Variants in COLEC12 observed in about 807,000 individuals in gnomAD.
COLEC12 encodes collectin-12.
COLEC12 carries 33 observed loss-of-function variants against 71.1 expected under a neutral mutation model. The observed-to-expected ratio is 0.46, with a 90% CI of 0.35 to 0.62. COLEC12 has a LOEUF of 0.62. Ranked by LOEUF, COLEC12 falls within the 20% of genes least tolerant of loss-of-function variation. The pLI is 0.00. For synonymous variants in COLEC12, 350 were observed against 353.0 expected (o/e 0.99, Z 0.10); for missense variants, 765 against 916.1 (o/e 0.84, Z 2.13).
At chr18:372,219 T>C (rs1414713148) in intron 2 of COLEC12, among the ~76,000 whole-genome samples, 1 of 152,118 alleles carries the variant, frequency 6.6e-6, no homozygotes, top group Non-Finnish European at 1.5e-5. Flanking sequence ...AAACACAAAA[T>C]AGGTAATAGA....
intron 2 of COLEC12, among the ~76,000 whole-genome samples, chr18:363,570 C>T (rs1036394675): frequency 6.6e-5 from 10 of 151,928 alleles, no homozygotes; most frequent in Admixed American, 2.0e-4. Context: ...GTATAGATTC[C>T]CATAAACCCA....
chr18:490,199 C>T (rs905966476), intron 1 of COLEC12, among the ~76,000 whole-genome samples: 5 of 152,242 alleles, frequency 3.3e-5, no homozygotes, highest in Non-Finnish European at 7.3e-5. Flanking sequence ...GAGAGAATCA[C>T]TGGAGGATGA....
chr18:428,716 T>C (rs979172616), intron 2 of COLEC12, among the ~76,000 whole-genome samples: 1 of 152,210 alleles, frequency 6.6e-6, no homozygotes, highest in Non-Finnish European at 1.5e-5. Flanking sequence ...AAAACTATAA[T>C]ATAACTTGGG....
intron 5 of COLEC12, among the ~76,000 whole-genome samples, chr18:338,131 A>T (rs1401507965): frequency 2.0e-5 from 3 of 152,006 alleles, no homozygotes; most frequent in Non-Finnish European, 2.9e-5. Context: ...TGTATTTTCC[A>T]CACATCTCTT....
Position 480,887 on chromosome 18 carries a change from A to G in COLEC12, c.8-130T>C. On this transcript the variant is annotated intron_variant, in intron 1 of 9. Transcript: ENST00000400256. The surrounding 1 kb of genome is among the most constrained non-coding windows in gnomAD (Gnocchi z 4.1). ...TTTCCTTCTGCTCGTGGATCGCACC[A>G]GGCTTTCTGGAAGAGGCGGCAGGGG... 1 of 831,864 alleles carries G rather than the reference A, an allele frequency of 1.2e-6. No homozygotes were observed. The highest frequency in any genetic ancestry group is 2.1e-6 in the Non-Finnish European group (1 of 479,414). 51.5% of individuals were successfully genotyped at this position (831,864 alleles called of 1,614,324 possible).
Position 408,485 on chromosome 18 carries a change from G to GA in COLEC12, c.59-50964dup, listed in dbSNP as rs1051687839. Among the ~76,000 whole-genome samples the GA allele has an allele frequency of 6.0e-5, 9 of 149,026 alleles. No individual in the cohort carries two copies. Among genetic ancestry groups the GA allele is most frequent in the South Asian group, 4.2e-4 (2 of 4,722 alleles). On this transcript the variant is annotated intron_variant, in intron 2 of 9. Transcript: ENST00000400256. The surrounding 1 kb of genome is among the most constrained non-coding windows in gnomAD (Gnocchi z 4.3). ...CAAAAACTCCTGTGGTTCATAAACA[G>GA]AAAAAAAAATGTCAGATTTTGAACT...
intron 2 of COLEC12, among the ~76,000 whole-genome samples, chr18:430,196 C>T (rs9965406): frequency 0.19 from 28,116 of 151,874 alleles, 2,882 homozygotes; most frequent in Middle Eastern, 0.24. Context: ...ATTAGCCAGG[C>T]GTGGTGGCGC....
At chr18:395,014 A>G (rs1915540470) in intron 2 of COLEC12, among the ~76,000 whole-genome samples, 1 of 152,252 alleles carries the variant, frequency 6.6e-6, no homozygotes, top group South Asian at 2.1e-4. Flanking sequence ...GTACAGTGAT[A>G]GGAATTAGAG....
intron 3 of COLEC12, among the ~76,000 whole-genome samples, chr18:353,262 CTATT>C (rs949507231): frequency 7.0e-4 from 107 of 152,274 alleles, no homozygotes; most frequent in African/African-American, 2.4e-3. Context: ...ATAATAGCCT[CTATT>C]TATCGAGTGC....
At chr18:475,469 A>G (rs1007442248) in intron 2 of COLEC12, among the ~76,000 whole-genome samples, 6 of 152,170 alleles carry the variant, frequency 3.9e-5, no homozygotes, top group African/African-American at 1.4e-4. Flanking sequence ...CCAAATTAGA[A>G]GATGAAGCCA....
chr18:491,704 A>T (rs1917622318), intron 1 of COLEC12, among the ~76,000 whole-genome samples: 1 of 152,218 alleles, frequency 6.6e-6, no homozygotes, highest in Non-Finnish European at 1.5e-5. Flanking sequence ...GATGAGCAAA[A>T]GAGTAATGCG....
intron 5 of COLEC12, among the ~76,000 whole-genome samples, chr18:345,594 C>A (rs1914353314): frequency 6.6e-6 from 1 of 152,158 alleles, no homozygotes; most frequent in Admixed American, 6.5e-5. Flanking sequence ...TGATGGCCAA[C>A]CATTCATCTA....
intron 1 of COLEC12, among the ~76,000 whole-genome samples, chr18:494,113 A>G (rs8088035): frequency 0.36 from 54,546 of 152,098 alleles, 10,239 homozygotes; most frequent in African/African-American, 0.47. Flanking sequence ...TTTGGGAATT[A>G]TCCCTGCATT....
chr18:338,502 C>T (rs1457979977), intron 5 of COLEC12, among the ~76,000 whole-genome samples: 1 of 152,172 alleles, frequency 6.6e-6, no homozygotes, highest in African/African-American at 2.4e-5. Context: ...ATAAGGAGAT[C>T]CATCTTTCCT....
intron 5 of COLEC12, among the ~76,000 whole-genome samples, chr18:335,653 ACTG>A (rs1394346235): frequency 1.3e-5 from 2 of 152,148 alleles, no homozygotes; most frequent in African/African-American, 4.8e-5. Context: ...AGGAAACAAC[ACTG>A]CTGACACCTT....
chr18:416,284 A>T (rs1159072410), intron 2 of COLEC12, among the ~76,000 whole-genome samples: 1 of 152,232 alleles, frequency 6.6e-6, no homozygotes, highest in Non-Finnish European at 1.5e-5. Context: ...GCAGCCAGGG[A>T]TCTAGTGAAG....
At chr18:447,180 A>G (rs569914557) in intron 2 of COLEC12, among the ~76,000 whole-genome samples, 15 of 152,366 alleles carry the variant, frequency 9.8e-5, no homozygotes, top group Middle Eastern at 3.4e-3. Context: ...TACTTGGCTT[A>G]CAGCCCTTTG....
rs992449326 is a variant in COLEC12, at chr18:348,313, T to A, written c.182-150A>T. 5 of 533,340 alleles carry A rather than the reference T, an allele frequency of 9.4e-6. No homozygotes were observed. The African/African-American group carries it at 9.6e-5, about 10-fold the overall frequency. The allele number at this position is 533,340 out of a possible 1,614,324, so 33.0% of individuals were successfully genotyped here. The stretch of plus-strand genomic sequence containing the variant: ...AATCAAATATAGGAAAGAAAAGCCA[T>A]CTTTTTGGAAAAATAACTTACTTGT... On this transcript the variant is annotated intron_variant, in intron 3 of 9. Coordinates refer to ENST00000400256, the MANE Select transcript of COLEC12 (RefSeq NM_130386.3).
chr18:462,507 G>A (rs1917002468), intron 2 of COLEC12, among the ~76,000 whole-genome samples: 1 of 152,150 alleles, frequency 6.6e-6, no homozygotes, highest in Non-Finnish European at 1.5e-5. Context: ...GGCTGAGGAT[G>A]GAAGGGTGAA....
Sources: gnomAD v4.1 joint callset for allele counts (sites outside exome capture counted in the v4.1 genomes callset) on GRCh38, gnomAD v4.1.1 for gene constraint, Gnocchi (gnomAD v3.1) non-coding constraint, MANE v1.5 for transcripts, NCBI Gene and HGNC (gene_info 2026-07-23, HGNC 2026-07-21) for gene names.